The following FERMT3 variants were observed in gnomAD, a reference collection of about 807,000 sequenced individuals.
FERMT3 encodes FERM domain containing kindlin 3, also known as fermitin family homolog 3.
Under a neutral mutation model 80.8 loss-of-function variants are expected in FERMT3, and 33 were observed. The ratio of observed to expected loss-of-function variants is 0.41; its 90% CI spans 0.31 to 0.55. The LOEUF is 0.55. FERMT3 is among the 20% of genes least tolerant of loss of function. FERMT3 has a pLI of 0.31. For missense variants in FERMT3, 754 were observed against 908.7 expected (o/e 0.83, Z 2.19); for synonymous variants, 375 against 372.2 (o/e 1.01, Z -0.09).
At chr11:64,208,738 G>A (rs1012243064) in intron 2 of FERMT3, among the ~76,000 whole-genome samples, 1 of 152,194 alleles carries the variant, frequency 6.6e-6, no homozygotes, top group Non-Finnish European at 1.5e-5. Flanking sequence ...AGGTGGTGGC[G>A]CTGGGACTCG....
At chr11:64,214,757 A>G (rs1946515684) in intron 6 of FERMT3, among the ~76,000 whole-genome samples, 1 of 149,504 alleles carries the variant, frequency 6.7e-6, no homozygotes, top group Admixed American at 6.7e-5. Flanking sequence ...TTCTGTAACT[A>G]TATTTTTAAG....
At chr11:64,216,865 T>C (rs1176895737) in intron 6 of FERMT3, among the ~76,000 whole-genome samples, 1 of 152,018 alleles carries the variant, frequency 6.6e-6, no homozygotes, top group African/African-American at 2.4e-5. Context: ...ACAAGGATTT[T>C]GATTCACGTT....
At position 64,219,296 on chromosome 11, in the gene FERMT3, G is replaced by C. The variant is rs759656611; in HGVS notation, c.832G>C (p.Asp278His). The stretch of plus-strand genomic sequence containing the variant: ...ACAGCTGTATGAGCAGGCCCGGTGG[G>C]ACCTGCTGCTGGAGGAGATTGACTG... ...LTQLYEQARW[D>H]LLLEEIDCTE... is the part of the protein sequence containing the mutation. Residue 278 changes from aspartate to histidine, a missense_variant, in exon 7 of 15, where the codon GAC (aspartate) becomes CAC (histidine). By Grantham distance (81) the Asp-to-His change is moderately conservative. Coordinates refer to ENST00000345728, the MANE Select transcript of FERMT3 (RefSeq NM_031471.6). This position sits in a 1 kb window ranked among gnomAD's most constrained non-coding sequence, Gnocchi z 4.0. 7.5e-6 allele frequency: 12 copies of C among 1,609,290 alleles called. No individual in the cohort carries two copies. The South Asian group carries it at 1.3e-4, about 18-fold the overall frequency.
At chr11:64,215,636 C>T (rs978652941) in intron 6 of FERMT3, among the ~76,000 whole-genome samples, 2 of 152,112 alleles carry the variant, frequency 1.3e-5, no homozygotes, top group East Asian at 1.9e-4. Context: ...TGCAGTGGTG[C>T]GATCATAGCT....
In FERMT3 at chr11:64,220,436, G is replaced by A. The variant is rs766075114; in HGVS notation, c.1312G>A (p.Glu438Lys). 1 of 1,611,136 alleles carries A rather than the reference G, an allele frequency of 6.2e-7. No individual in the cohort carries two copies. The highest frequency in any genetic ancestry group is 1.3e-5 in the African/African-American group (1 of 75,028). The change falls in exon 12 of 15, where the codon GAG (glutamate) becomes AAG (lysine). Residue 438 changes from glutamate (E) to lysine (K), a missense_variant and splice_region_variant. By Grantham distance (56) the Glu-to-Lys change is moderately conservative. Coordinates refer to ENST00000345728, the MANE Select transcript of FERMT3 (RefSeq NM_031471.6). ...MSEIYLRCQD[E>K]QQYARWMAGC... The stretch of plus-strand genomic sequence containing the variant: ...TGTCCCCCTCACCCCTCTCGCCCAG[G>A]AGCAGCAGTATGCCCGCTGGATGGC...
intron 6 of FERMT3, among the ~76,000 whole-genome samples, chr11:64,218,080 T>A (rs921694765): frequency 7.0e-6 from 1 of 142,494 alleles, no homozygotes; most frequent in Admixed American, 8.0e-5. Context: ...CTCGGCTCAC[T>A]GCAAGCTCCG....
chr11:64,221,422 A>G (rs1387226629), intron 13 of FERMT3, among the ~76,000 whole-genome samples: 1 of 152,048 alleles, frequency 6.6e-6, no homozygotes, highest in African/African-American at 2.4e-5. Context: ...TGAACCCAGG[A>G]GTTTGAGACC....
Position 64,219,315 on chromosome 11 carries a change from T to C in FERMT3, c.851T>C (p.Ile284Thr). The C allele has an allele frequency of 1.2e-6, 2 of 1,609,176 alleles. No individual in the cohort carries two copies. The highest frequency in any genetic ancestry group is 1.3e-5 in the African/African-American group (1 of 74,870). ...QARWDLLLEE[I>T]DCTEEEMMVF... ...CGGTGGGACCTGCTGCTGGAGGAGATTGACTGCACCGAGGAGGAGATGATG... is the reference window on the plus strand; with the variant it reads ...CGGTGGGACCTGCTGCTGGAGGAGACTGACTGCACCGAGGAGGAGATGATG... The change falls in exon 7 of 15, where the codon ATT becomes ACT. Residue 284 changes from isoleucine to threonine, a missense_variant. Transcript: ENST00000345728. The surrounding 1 kb of genome is among the most constrained non-coding windows in gnomAD (Gnocchi z 4.0).
intron 2 of FERMT3, among the ~76,000 whole-genome samples, chr11:64,208,082 G>A (rs545683006): frequency 1.4e-4 from 21 of 151,792 alleles, no homozygotes; most frequent in African/African-American, 2.4e-4. Context: ...GGAAGACCCC[G>A]ATAGGCAGAG....
intron 6 of FERMT3, among the ~76,000 whole-genome samples, chr11:64,217,936 C>T (rs1284404547): frequency 6.6e-6 from 1 of 151,996 alleles, no homozygotes; most frequent in Non-Finnish European, 1.5e-5. Context: ...GGCCCTAGCG[C>T]TCTCTGCATA....
chr11:64,214,262 G>A (rs891680946), intron 6 of FERMT3, among the ~76,000 whole-genome samples: 5 of 144,648 alleles, frequency 3.5e-5, no homozygotes, highest in South Asian at 2.2e-4. Flanking sequence ...TCCACCTCGC[G>A]GATTCAAGCG....
intron 6 of FERMT3, among the ~76,000 whole-genome samples, chr11:64,217,552 A>G (rs930329846): frequency 6.6e-5 from 10 of 152,062 alleles, no homozygotes; most frequent in Non-Finnish European, 1.5e-4. Flanking sequence ...TCCATCTTAA[A>G]AAAAAAAAAT....
intron 6 of FERMT3, among the ~76,000 whole-genome samples, chr11:64,215,853 G>A (rs559651665): frequency 8.5e-4 from 127 of 149,532 alleles, no homozygotes; most frequent in Non-Finnish European, 1.7e-3. Context: ...TTTTTTAGAC[G>A]GAGTCTCACT....
In FERMT3 at chr11:64,210,236, C is replaced by T. The variant is rs775944516; in HGVS notation, c.161-375C>T. Among the ~76,000 whole-genome samples the T allele has an allele frequency of 4.6e-5, 7 of 152,204 alleles. No individual in the cohort carries two copies. Among genetic ancestry groups the T allele is most frequent in the Non-Finnish European group, 8.8e-5 (6 of 68,030 alleles). On this transcript the variant is annotated intron_variant, in intron 2 of 14. Transcript: ENST00000345728. This position sits in a 1 kb window ranked among gnomAD's most constrained non-coding sequence, Gnocchi z 4.3. ...CAGACGTAGTCTCTGCCTCCAGGAG[C>T]TCCCCAGAATGCAAGACAGAGGCTG...
chr11:64,207,225 T>C, intron 1 of FERMT3, 126 bp from the exon 2 acceptor site: 1 of 1,115,666 alleles, frequency 9.0e-7, no homozygotes, highest in South Asian at 1.4e-5. Context: ...GCCTGGGTGC[T>C]CACTCCCGCC....
rs935996809 is a variant in FERMT3 at position 64,223,598 on chromosome 11, G to C, written c.*106G>C. On this transcript the variant is annotated 3_prime_UTR_variant, in exon 15 of 15. Transcript: ENST00000345728. ...CACACCCGCTCCAGGCAGGCACCCA[G>C]CTGGGCATTTCACCTGCTGTCACTG... 62 of 1,357,110 alleles carry C rather than the reference G, an allele frequency of 4.6e-5. No individual in the cohort carries two copies. The highest frequency in any genetic ancestry group is 2.5e-5 in the East Asian group (1 of 40,138). 84.1% of individuals were successfully genotyped at this position (1,357,110 alleles called of 1,614,324 possible).
chr11:64,212,743 GC>G (rs1946470795), intron 6 of FERMT3, among the ~76,000 whole-genome samples: 1 of 151,670 alleles, frequency 6.6e-6, no homozygotes, highest in African/African-American at 2.4e-5. Context: ...CCCAGGCTCT[GC>G]CCCAGGCTCT....
chr11:64,220,195 TAGACCACCC>T lies in FERMT3; in HGVS notation c.1205-24_1205-16del, dbSNP rs769449506. On this transcript the variant is annotated splice_polypyrimidine_tract_variant and intron_variant, in intron 10 of 14. Transcript: ENST00000345728. The stretch of plus-strand genomic sequence containing the variant: ...GGCGGCTCTTCCCCTCCCGACCTCC[TAGACCACCC>T]CTTCTCTCCCTCCAGGCTGTGAGGT... 8 of 1,610,630 alleles carry T rather than the reference TAGACCACCC, an allele frequency of 5.0e-6. No individual in the cohort carries two copies. The South Asian group carries it at 8.8e-5, about 18-fold the overall frequency.
rs1176803094 is a variant in FERMT3, at chr11:64,219,210, C to G, written c.787-41C>G. 4 of 1,541,234 alleles carry G rather than the reference C, an allele frequency of 2.6e-6. No homozygotes were observed. The East Asian group carries it at 9.7e-5, about 38-fold the overall frequency. ...GCAGGGCGTCCAGGGCAGCTGGCAT[C>G]TGACCAGCCCAGCCTCCAGCCTCCT... On this transcript the variant is annotated intron_variant, in intron 6 of 14. Coordinates refer to ENST00000345728, the MANE Select transcript of FERMT3 (RefSeq NM_031471.6). This position sits in a 1 kb window ranked among gnomAD's most constrained non-coding sequence, Gnocchi z 4.0.
Sources: gnomAD v4.1 joint callset for allele counts (sites outside exome capture counted in the v4.1 genomes callset) on GRCh38, gnomAD v4.1.1 for gene constraint, Gnocchi (gnomAD v3.1) non-coding constraint, MANE v1.5 for transcripts, NCBI Gene and HGNC (gene_info 2026-07-23, HGNC 2026-07-21) for gene names.